TNRC18: variants seen among roughly 807,000 people sequenced by gnomAD.
TNRC18 encodes the protein trinucleotide repeat-containing gene 18 protein.
Under a neutral mutation model 226.7 loss-of-function variants are expected in TNRC18, and 69 were observed. The observed-to-expected ratio is 0.30, with a 90% CI of 0.25 to 0.37. TNRC18 has a LOEUF of 0.37. Ranked by LOEUF, TNRC18 falls within the 10% of genes least tolerant of loss-of-function variation. The probability of loss-of-function intolerance (pLI) is 1.00; values close to 1 mark genes in which losing one functional copy is unlikely to be tolerated. For synonymous variants in TNRC18, 2,449 were observed against 1,927.6 expected (o/e 1.27, Z -7.09); for missense variants, 4,754 against 4,256.6 (o/e 1.12, Z -3.25).
chr7:5,335,562 G>T (rs1009926650), intron 18 of TNRC18, among the ~76,000 whole-genome samples: 1 of 146,346 alleles, frequency 6.8e-6, no homozygotes, highest in Non-Finnish European at 1.5e-5. Context: ...CTGAGATCGC[G>T]CCACTGCACT....
rs1447087199 is a variant in TNRC18, at chr7:5,377,622, G to A, written c.2256-46C>T. The A allele has an allele frequency of 3.3e-6, 5 of 1,522,804 alleles. No homozygotes were observed. Among genetic ancestry groups the A allele is most frequent in the South Asian group, 2.4e-5 (2 of 82,876 alleles). 94.3% of individuals were successfully genotyped at this position (1,522,804 alleles called of 1,614,324 possible). A position where few individuals can be genotyped will look rare whatever the true frequency, so the allele number is the denominator to read the frequency against. ...GTCAGCGACAGCTCGGACAGCCCAG[G>A]GGACGAGAGGGAGAAGCGGGGTTGC... is the stretch of plus-strand genomic sequence containing the variant. On this transcript the variant is annotated intron_variant, in intron 6 of 29. Coordinates refer to ENST00000430969, the MANE Select transcript of TNRC18 (RefSeq NM_001080495.3). The surrounding 1 kb of genome is among the most constrained non-coding windows in gnomAD (Gnocchi z 5.8).
intron 11 of TNRC18, among the ~76,000 whole-genome samples, chr7:5,363,715 G>A (rs978521011): frequency 6.6e-6 from 1 of 152,124 alleles, no homozygotes; most frequent in Admixed American, 6.6e-5. Flanking sequence ...CAGAGGGAGG[G>A]CCTCCAAAGA....
chr7:5,339,245 T>G (rs945741924), intron 18 of TNRC18, among the ~76,000 whole-genome samples: 2 of 151,432 alleles, frequency 1.3e-5, no homozygotes, highest in African/African-American at 4.8e-5. Flanking sequence ...TTTTTTGTGT[T>G]TTTTTGTTTT....
Position 5,313,470 on chromosome 7 carries a change from C to T in TNRC18, c.7421G>A (p.Ser2474Asn). 1 of 1,613,212 alleles carries T rather than the reference C, an allele frequency of 6.2e-7. No individual in the cohort carries two copies. The highest frequency in any genetic ancestry group is 8.5e-7 in the Non-Finnish European group (1 of 1,179,540). Residue 2474 changes from serine to asparagine, a missense_variant, in exon 27 of 30, where the codon AGC becomes AAC. Coordinates refer to ENST00000430969, the MANE Select transcript of TNRC18 (RefSeq NM_001080495.3). ...LDHEGVTSPK[S>N]KKAKEALLLR... ...CAGCAGGGCCTCTTTAGCCTTCTTG[C>T]TTTTGGGTGACGTGACACCCTCGTG...
Position 5,312,410 on chromosome 7 carries a change from CCA to C in TNRC18, c.8388+91_8388+92del, listed in dbSNP as rs1787322795. 1 of 1,492,094 alleles carries C rather than the reference CCA, an allele frequency of 6.7e-7. No homozygotes were observed. The highest frequency in any genetic ancestry group is 8.9e-7 in the Non-Finnish European group (1 of 1,125,910). The allele number at this position is 1,492,094 out of a possible 1,614,324, so 92.4% of individuals were successfully genotyped here. On this transcript the variant is annotated intron_variant, in intron 27 of 29. Transcript: ENST00000430969. The surrounding 1 kb of genome is among the most constrained non-coding windows in gnomAD (Gnocchi z 6.3). ...TCCACCCTGGGGTTCTGGGAGGTTACCACACACGGAGACACAGCATGAAGCCG... is the reference window on the plus strand; with the variant it reads ...TCCACCCTGGGGTTCTGGGAGGTTACCACACGGAGACACAGCATGAAGCCG...
intron 16 of TNRC18, 53 bp downstream of exon 16, chr7:5,356,863 G>A (rs1372709231): frequency 4.7e-6 from 7 of 1,479,114 alleles, no homozygotes; most frequent in Non-Finnish European, 6.3e-6. Flanking sequence ...AGAGAAGAGG[G>A]GAGAAAAGGA....
intron 18 of TNRC18, among the ~76,000 whole-genome samples, chr7:5,334,622 T>G (rs2128129295): frequency 6.6e-6 from 1 of 152,250 alleles, no homozygotes; most frequent in South Asian, 2.1e-4. Flanking sequence ...CTTTCCACTG[T>G]GCAAGGAGGC....
At position 5,309,004 on chromosome 7, in the gene TNRC18, C is replaced by A; in HGVS notation, c.8626-55G>T. ...TGAGCCCGGGGGCTGCTGCACCCGA[C>A]CCCAGGCCCCAGGACAGGGCTGACC... On this transcript the variant is annotated intron_variant, in intron 28 of 29. Transcript: ENST00000430969. The surrounding 1 kb of genome is among the most constrained non-coding windows in gnomAD (Gnocchi z 5.7). 1 of 1,547,064 alleles carries A rather than the reference C, an allele frequency of 6.5e-7. No individual in the cohort carries two copies. Among genetic ancestry groups the A allele is most frequent in the Non-Finnish European group, 8.8e-7 (1 of 1,139,528 alleles).
At chr7:5,363,004 G>A (rs534761218) in intron 11 of TNRC18, among the ~76,000 whole-genome samples, 179 bp from the exon 12 acceptor site, 22 of 152,324 alleles carry the variant, frequency 1.4e-4, no homozygotes, top group African/African-American at 4.1e-4. Context: ...AAACAAGAAC[G>A]GGGAGAAGGC....
Position 5,332,921 on chromosome 7 carries a change from C to A in TNRC18, c.5848G>T (p.Ala1950Ser), listed in dbSNP as rs1314401927. The A allele has an allele frequency of 1.8e-5, 28 of 1,541,206 alleles. No homozygotes were observed. The highest frequency in any genetic ancestry group is 2.3e-5 in the Non-Finnish European group (27 of 1,150,774). ...GPSLAAPTPG[A>S]RGPDPSSPDK... ...GGGCTGCTGGGGTCGGGACCGCGGG[C>A]GCCAGGCGTGGGTGCGGCCAGGGAG... is the stretch of plus-strand genomic sequence containing the variant. The change falls in exon 19 of 30, where the codon GCC becomes TCC. Residue 1950 changes from alanine to serine, a missense_variant. Coordinates refer to ENST00000430969, the MANE Select transcript of TNRC18 (RefSeq NM_001080495.3).
intron 16 of TNRC18, among the ~76,000 whole-genome samples, chr7:5,354,353 C>T (rs977739435): frequency 1.3e-5 from 2 of 152,116 alleles, no homozygotes; most frequent in African/African-American, 4.8e-5. Context: ...CATCCACGTC[C>T]ACCTGAAAGT....
intron 2 of TNRC18, among the ~76,000 whole-genome samples, chr7:5,403,140 C>A (rs958135105): frequency 6.6e-6 from 1 of 150,878 alleles, no homozygotes; most frequent in Admixed American, 6.7e-5. Flanking sequence ...CCCTTCATAA[C>A]CAAACACATT....
chr7:5,362,696 A>C lies in TNRC18; in HGVS notation c.4349T>G (p.Leu1450Arg). Residue 1450 changes from leucine to arginine, a missense_variant, in exon 12 of 30, where the codon CTG (leucine) becomes CGG (arginine). Transcript: ENST00000430969. ...CCAGCTGTACTTCTTGTTGGGCTTC[A>C]GCTCCCGCGGGAGCCGCAGGTTCTT... Reference protein sequence around the residue: ...PLKNLRLPRELKPNKKYSWMR... With the variant: ...PLKNLRLPRERKPNKKYSWMR... The C allele has an allele frequency of 6.3e-7, 1 of 1,586,348 alleles. No individual in the cohort carries two copies.
At position 5,363,858 on chromosome 7, in the gene TNRC18, T is replaced by TA. The variant is rs11303195; in HGVS notation, c.4220-1034dup. Among the ~76,000 whole-genome samples, 389 of 150,114 alleles carry TA rather than the reference T, an allele frequency of 2.6e-3. 2 individuals carry two copies. The highest frequency in any genetic ancestry group is 8.1e-3 in the African/African-American group (331 of 40,962). On this transcript the variant is annotated intron_variant, in intron 11 of 29. Coordinates refer to ENST00000430969, the MANE Select transcript of TNRC18 (RefSeq NM_001080495.3). ...AAAACACAAACCAAGCAGAAAGGTG[T>TA]AAAAAAAAAAGACAGCCCGCTTCCT...
Position 5,312,105 on chromosome 7 carries a change from C to T in TNRC18, c.8388+398G>A, listed in dbSNP as rs184316053. On this transcript the variant is annotated intron_variant, in intron 27 of 29. Coordinates refer to ENST00000430969, the MANE Select transcript of TNRC18 (RefSeq NM_001080495.3). The surrounding 1 kb of genome is among the most constrained non-coding windows in gnomAD (Gnocchi z 6.3). ...AAGCCAAGATCACACCACCACACTC[C>T]AGCCTGGGCAACAGAGAGAGACTCA... Among the ~76,000 whole-genome samples the T allele has an allele frequency of 9.8e-5, 15 of 152,318 alleles. No individual in the cohort carries two copies. The highest frequency in any genetic ancestry group is 3.6e-4 in the African/African-American group (15 of 41,570).
intron 15 of TNRC18, among the ~76,000 whole-genome samples, chr7:5,357,803 G>A (rs1039254120): frequency 6.6e-6 from 1 of 152,140 alleles, no homozygotes; most frequent in Admixed American, 6.6e-5. Flanking sequence ...GTGTAACTCT[G>A]TAAAATGGGG....
chr7:5,376,013 G>A (rs185649932), intron 9 of TNRC18, 21 bp downstream of exon 9: 139 of 1,574,048 alleles, frequency 8.8e-5, no homozygotes, highest in Middle Eastern at 2.2e-4. Context: ...AGGGAGCTGC[G>A]CCTCATCCTC....
chr7:5,412,449 G>C (rs1056729510), intron 2 of TNRC18, among the ~76,000 whole-genome samples: 2 of 151,936 alleles, frequency 1.3e-5, no homozygotes, highest in Non-Finnish European at 2.9e-5. Context: ...GGTGGCAGGC[G>C]TGTGTAATCT....
chr7:5,356,247 C>A (rs1488369862), intron 16 of TNRC18, among the ~76,000 whole-genome samples: 1 of 151,936 alleles, frequency 6.6e-6, no homozygotes, highest in Admixed American at 6.6e-5. Context: ...TGGGTCGGGC[C>A]GAACCAGGTT....
Sources: allele counts gnomAD v4.1 joint callset (sites outside exome capture counted in the v4.1 genomes callset), GRCh38; gene constraint gnomAD v4.1.1; non-coding constraint Gnocchi (gnomAD v3.1); transcripts MANE v1.5; gene names NCBI Gene and HGNC (gene_info 2026-07-23, HGNC 2026-07-21).